The following ST7 variants were observed in gnomAD, a reference collection of about 807,000 sequenced individuals.
The protein encoded by ST7 is suppressor of tumorigenicity 7 protein.
A neutral mutation model predicts 78.7 loss-of-function variants in ST7; 28 were observed. The observed-to-expected ratio is 0.36, with a 90% CI of 0.26 to 0.49. The LOEUF is 0.49. ST7 is among the 20% of genes least tolerant of loss of function. The pLI is 0.99. For synonymous variants in ST7, 247 were observed against 249.6 expected, an observed-to-expected ratio of 0.99 and a Z score of 0.10; for missense variants, 418 against 696.0, an observed-to-expected ratio of 0.60 and a Z score of 4.49.
At chr7:117,142,381 T>C (rs73211905) in intron 9 of ST7, among the ~76,000 whole-genome samples, 1 of 152,108 alleles carries the variant, frequency 6.6e-6, no homozygotes, top group Non-Finnish European at 1.5e-5. Context: ...TTGGGTCAGA[T>C]TGGGGAGCTG....
chr7:116,998,913 A>G (rs1794800488), intron 1 of ST7, among the ~76,000 whole-genome samples: 2 of 152,352 alleles, frequency 1.3e-5, no homozygotes, highest in South Asian at 4.1e-4. Context: ...TCTCTGCACT[A>G]TCAGGGGAAG....
intron 9 of ST7, 41 bp from the exon 10 acceptor site, chr7:117,170,817 GACAT>G: frequency 1.1e-6 from 1 of 893,320 alleles, no homozygotes; most frequent in East Asian, 2.9e-5. Flanking sequence ...AAAATTATAA[GACAT>G]ACATAATATA....
At chr7:117,165,063 C>T (rs1026626295) in intron 9 of ST7, among the ~76,000 whole-genome samples, 5 of 152,214 alleles carry the variant, frequency 3.3e-5, no homozygotes, top group South Asian at 2.1e-4. Context: ...AGCAGAAACA[C>T]GGTGGCTAGT....
At chr7:116,984,116 T>TGG (rs1161567903) in intron 1 of ST7, among the ~76,000 whole-genome samples, 2 of 146,496 alleles carry the variant, frequency 1.4e-5, no homozygotes, top group Admixed American at 1.3e-4. Context: ...ATGTCAGCTG[T>TGG]GTGTGTGTGT....
In ST7 at chr7:117,138,505, CAGG is replaced by C. The variant is rs1170902253; in HGVS notation, c.937_939del (p.Arg313del). The C allele has an allele frequency of 1.2e-6, 2 of 1,606,754 alleles. No individual in the cohort carries two copies. ...TGTGTGCCAGAAGACTCGGGAGGAC[CAGG>C]GAAGCAGTGAAAATGATGAGAGATG... On this transcript the variant is annotated inframe_deletion, in exon 9 of 16. Coordinates refer to ENST00000323984, the MANE Select transcript of ST7 (RefSeq NM_001369598.1).
At chr7:116,984,449 T>G (rs937818564) in intron 1 of ST7, among the ~76,000 whole-genome samples, 4 of 152,138 alleles carry the variant, frequency 2.6e-5, no homozygotes, top group African/African-American at 9.7e-5. Context: ...CTTTTCCATG[T>G]TGGGGTCGGT....
In ST7 at chr7:117,159,958, T is replaced by C. The variant is rs542538385; in HGVS notation, c.964-10904T>C. The stretch of plus-strand genomic sequence containing the variant: ...AGCTCATGCCTGTAATCCCAGCACT[T>C]TGGGAGACTGAGGCGGGTGGATCAC... On this transcript the variant is annotated intron_variant, in intron 9 of 15. Coordinates refer to ENST00000323984, the MANE Select transcript of ST7 (RefSeq NM_001369598.1). 2.6e-5 allele frequency among the ~76,000 whole-genome samples: 4 copies of C among 152,142 alleles called. No homozygotes were observed. The East Asian group carries it at 7.7e-4, about 29-fold the overall frequency.
At chr7:117,104,734 T>C (rs1801824658) in intron 2 of ST7, among the ~76,000 whole-genome samples, 1 of 152,204 alleles carries the variant, frequency 6.6e-6, no homozygotes, top group African/African-American at 2.4e-5. Flanking sequence ...CATCAGTTGA[T>C]GAATGCGTAA....
chr7:116,996,911 T>C (rs74999118), intron 1 of ST7, among the ~76,000 whole-genome samples: 2,548 of 152,326 alleles, frequency 0.017, 82 homozygotes, highest in African/African-American at 0.059. Context: ...AGGAGAAATA[T>C]CCCATACCCT....
chr7:116,961,607 T>A (rs1367868544), intron 1 of ST7, among the ~76,000 whole-genome samples: 2 of 147,462 alleles, frequency 1.4e-5, no homozygotes, highest in Non-Finnish European at 3.0e-5. Context: ...GGGGGGCAAT[T>A]GTGAATAGGT....
intron 2 of ST7, among the ~76,000 whole-genome samples, chr7:117,116,436 A>C (rs1802892118): frequency 6.6e-6 from 1 of 152,194 alleles, no homozygotes; most frequent in Non-Finnish European, 1.5e-5. Context: ...CCATCTGCCC[A>C]TTTGGATCTG....
At chr7:117,203,498 C>T (rs900653054) in intron 12 of ST7, among the ~76,000 whole-genome samples, 2 of 152,164 alleles carry the variant, frequency 1.3e-5, no homozygotes, top group East Asian at 1.9e-4. Flanking sequence ...TTTTGGTAGG[C>T]TTTGATGCTT....
chr7:117,147,300 C>T lies in ST7; in HGVS notation c.963+8768C>T, dbSNP rs979948613. Among the ~76,000 whole-genome samples the T allele has an allele frequency of 2.6e-5, 4 of 152,118 alleles. No homozygotes were observed. The South Asian group carries it at 8.3e-4, about 31-fold the overall frequency. ...GTGCTGCAATGAACATCCTTGTAGA[C>T]ATGTGAGAAACATTCATTAGGCTGT... On this transcript the variant is annotated intron_variant, in intron 9 of 15. Coordinates refer to ENST00000323984, the MANE Select transcript of ST7 (RefSeq NM_001369598.1).
chr7:116,970,590 A>G (rs2116248696), intron 1 of ST7, among the ~76,000 whole-genome samples: 1 of 151,996 alleles, frequency 6.6e-6, no homozygotes, highest in Middle Eastern at 3.4e-3. Flanking sequence ...TTTACAGAGC[A>G]CTCCATCGTC....
intron 1 of ST7, among the ~76,000 whole-genome samples, chr7:117,018,488 T>C (rs1795722397): frequency 6.6e-6 from 1 of 152,224 alleles, no homozygotes; most frequent in Non-Finnish European, 1.5e-5. Context: ...TTAACGATTT[T>C]TTTTCTTCAT....
intron 1 of ST7, among the ~76,000 whole-genome samples, chr7:117,040,419 C>T (rs1238676464): frequency 6.6e-6 from 1 of 150,490 alleles, no homozygotes; most frequent in African/African-American, 2.4e-5. Context: ...TACACACATA[C>T]ACACACACAC....
intron 12 of ST7, chr7:117,191,859 A>T (rs1055026297): frequency 1.3e-5 from 2 of 152,152 alleles, no homozygotes; most frequent in African/African-American, 2.4e-5. Flanking sequence ...GTAGCACTAT[A>T]GCAAAAGGGT....
chr7:117,112,535 C>G (rs1164502893), intron 2 of ST7: 1 of 152,188 alleles, frequency 6.6e-6, no homozygotes, highest in African/African-American at 2.4e-5. Flanking sequence ...ACCTCTTATT[C>G]AAAAGTAAAG....
intron 1 of ST7, among the ~76,000 whole-genome samples, chr7:117,035,857 A>T (rs1458708549): frequency 1.3e-5 from 2 of 151,664 alleles, no homozygotes; most frequent in Admixed American, 6.6e-5. Flanking sequence ...TTTTTGTAGG[A>T]TAGATGGTTC....
Sources: allele counts gnomAD v4.1 joint callset (sites outside exome capture counted in the v4.1 genomes callset), GRCh38; gene constraint gnomAD v4.1.1; transcripts MANE v1.5; gene names NCBI Gene and HGNC (gene_info 2026-07-23, HGNC 2026-07-21).